Variants in DLG2 observed in about 807,000 individuals in gnomAD.
DLG2 encodes disks large homolog 2.
Under a neutral mutation model 132.5 loss-of-function variants are expected in DLG2, and 45 were observed. The observed-to-expected ratio is 0.34, with a 90% confidence interval of 0.27 to 0.44. DLG2 has a LOEUF of 0.44. Among genes scored for constraint, DLG2 ranks in the 20% least tolerant of loss-of-function variants. The pLI, the probability that DLG2 is intolerant of heterozygous loss-of-function variation, is 1.00. For missense variants in DLG2, 1,045 were observed against 1,196.9 expected (o/e 0.87, Z 1.87); for synonymous variants, 424 against 419.6 (o/e 1.01, Z -0.13).
chr11:84,502,279 C>T lies in DLG2; in HGVS notation c.519+32291G>A, dbSNP rs200307695. Among the ~76,000 whole-genome samples the T allele has an allele frequency of 1.7e-3, 35 of 20,412 alleles. 1 individual carries two copies. The highest frequency in any genetic ancestry group is 3.4e-3 in the African/African-American group (6 of 1,768). The allele number at this position is 20,412 out of a possible 152,430, so 13.4% of individuals were successfully genotyped here. Reference sequence around the variant, plus strand: ...CCTTCCTTCCTTCCTTCCTTCCTTCCTTCTTTCTTTCTTTCTTTCTTTCTT... The same window carrying T: ...CCTTCCTTCCTTCCTTCCTTCCTTCTTTCTTTCTTTCTTTCTTTCTTTCTT... On this transcript the variant is annotated intron_variant, in intron 7 of 27. Coordinates refer to ENST00000376104, the MANE Select transcript of DLG2 (RefSeq NM_001142699.3).
rs182923400 is a variant in DLG2, at chr11:85,310,367, A to G, written c.41-25002T>C. Reference sequence around the variant, plus strand: ...CATTCTGGAGCTAGCCACACTTCATAGAAATAGGTTAGCATGAGTCTGTTT... The same window carrying G: ...CATTCTGGAGCTAGCCACACTTCATGGAAATAGGTTAGCATGAGTCTGTTT... On this transcript the variant is annotated intron_variant, in intron 3 of 27. Coordinates refer to ENST00000376104, the MANE Select transcript of DLG2 (RefSeq NM_001142699.3). Among the ~76,000 whole-genome samples, 290 of 152,340 alleles carry G rather than the reference A, an allele frequency of 1.9e-3. 1 individual carries two copies. The highest frequency in any genetic ancestry group is 2.5e-3 in the Admixed American group (38 of 15,300).
At chr11:83,772,546 AAGAAAGAAAG>A (rs2094440508) in intron 18 of DLG2, among the ~76,000 whole-genome samples, 1 of 150,096 alleles carries the variant, frequency 6.7e-6, no homozygotes, top group South Asian at 2.1e-4. Context: ...GGAAGGAAAA[AAGAAAGAAAG>A]AGAAAGAAAG....
intron 8 of DLG2, among the ~76,000 whole-genome samples, chr11:84,240,949 G>A (rs1034028337): frequency 6.6e-6 from 1 of 152,108 alleles, no homozygotes; most frequent in Admixed American, 6.5e-5. Context: ...AGCAAAAAAG[G>A]CCTTCACAAT....
intron 6 of DLG2, among the ~76,000 whole-genome samples, chr11:84,787,470 CAA>C (rs1375511251): frequency 6.6e-6 from 1 of 152,122 alleles, no homozygotes. Flanking sequence ...AGCTCCACTA[CAA>C]AGTTTTTCTG....
chr11:83,576,741 G>T (rs558131922), intron 19 of DLG2, among the ~76,000 whole-genome samples: 1 of 152,156 alleles, frequency 6.6e-6, no homozygotes, highest in South Asian at 2.1e-4. Context: ...AATGCTGAAA[G>T]AATTCCTTAG....
intron 6 of DLG2, among the ~76,000 whole-genome samples, chr11:84,739,329 G>A (rs527612281): frequency 3.3e-5 from 5 of 152,130 alleles, no homozygotes; most frequent in Non-Finnish European, 7.4e-5. Context: ...TTTAATCAAA[G>A]TAACTCCCAA....
intron 15 of DLG2, among the ~76,000 whole-genome samples, chr11:83,901,792 G>A (rs899026284): frequency 1.3e-4 from 20 of 152,152 alleles, no homozygotes; most frequent in Admixed American, 1.2e-3. Context: ...ATTTGATCCA[G>A]GATCCACCAC....
intron 6 of DLG2, among the ~76,000 whole-genome samples, chr11:84,891,955 T>C (rs1166183361): frequency 6.6e-6 from 1 of 152,188 alleles, no homozygotes; most frequent in East Asian, 1.9e-4. Context: ...TCAAGTGAAT[T>C]TTAGATTTCT....
intron 7 of DLG2, among the ~76,000 whole-genome samples, chr11:84,498,041 A>C (rs1174335445): frequency 1.3e-5 from 2 of 152,332 alleles, no homozygotes; most frequent in South Asian, 2.1e-4. Flanking sequence ...AGCTTTCCAC[A>C]GATTGTTTCC....
At chr11:84,867,694 A>G (rs1041149492) in intron 6 of DLG2, among the ~76,000 whole-genome samples, 1 of 152,234 alleles carries the variant, frequency 6.6e-6, no homozygotes, top group African/African-American at 2.4e-5. Flanking sequence ...CATGGGCATC[A>G]AGGAGACTCT....
intron 3 of DLG2, among the ~76,000 whole-genome samples, chr11:85,313,653 A>G (rs1195351274): frequency 1.3e-5 from 2 of 152,094 alleles, no homozygotes; most frequent in Admixed American, 1.3e-4. Flanking sequence ...CCATTACATA[A>G]CTAATATTTA....
chr11:84,805,069 C>T (rs965228253), intron 6 of DLG2, among the ~76,000 whole-genome samples: 1 of 152,096 alleles, frequency 6.6e-6, no homozygotes, highest in Non-Finnish European at 1.5e-5. Context: ...AAAAGTATTG[C>T]ACCTTCCCAC....
chr11:85,581,283 C>T (rs2078499236), intron 3 of DLG2, among the ~76,000 whole-genome samples: 1 of 152,122 alleles, frequency 6.6e-6, no homozygotes, highest in Admixed American at 6.6e-5. Flanking sequence ...TCCGCTCATA[C>T]CTTTGTAATA....
chr11:84,917,027 A>G (rs995695842), intron 6 of DLG2, among the ~76,000 whole-genome samples: 4 of 152,102 alleles, frequency 2.6e-5, no homozygotes, highest in Non-Finnish European at 5.9e-5. Flanking sequence ...ATATCCTTCC[A>G]TGATTTTTTG....
At chr11:85,265,667 G>A (rs971674986) in intron 4 of DLG2, among the ~76,000 whole-genome samples, 4 of 152,174 alleles carry the variant, frequency 2.6e-5, no homozygotes, top group African/African-American at 7.2e-5. Context: ...TCTGATTAAT[G>A]TCTTTTTACC....
intron 2 of DLG2, among the ~76,000 whole-genome samples, chr11:85,616,312 A>G (rs1565767747): frequency 6.6e-6 from 1 of 152,196 alleles, no homozygotes; most frequent in African/African-American, 2.4e-5. Context: ...AGTAAGGGGG[A>G]AAAAAGCATT....
intron 8 of DLG2, among the ~76,000 whole-genome samples, chr11:84,205,936 A>C (rs1212577849): frequency 1.3e-5 from 2 of 152,264 alleles, no homozygotes; most frequent in Non-Finnish European, 1.5e-5. Context: ...ATAAACACCT[A>C]ATAAAACTGA....
intron 2 of DLG2, among the ~76,000 whole-genome samples, chr11:85,621,530 G>A (rs1205517068): frequency 1.3e-5 from 2 of 152,136 alleles, no homozygotes; most frequent in African/African-American, 2.4e-5. Context: ...CACAGGAGGA[G>A]GTCAAAATAT....
At position 84,445,386 on chromosome 11, in the gene DLG2, TTGAA is replaced by T. The variant is rs552675919; in HGVS notation, c.519+89180_519+89183del. Among the ~76,000 whole-genome samples the T allele has an allele frequency of 1.8e-3, 277 of 152,288 alleles. 3 individuals carry two copies. Among genetic ancestry groups the T allele is most frequent in the African/African-American group, 6.4e-3 (267 of 41,576 alleles). On this transcript the variant is annotated intron_variant, in intron 7 of 27. Transcript: ENST00000376104. Reference sequence around the variant, plus strand: ...GAACTGAATGATAGTAGACTAGACTTTGAATGAGAGTATAGAAACAGATTTGTAA... The same window carrying T: ...GAACTGAATGATAGTAGACTAGACTTTGAGAGTATAGAAACAGATTTGTAA...
Sources: allele counts gnomAD v4.1 joint callset (sites outside exome capture counted in the v4.1 genomes callset), GRCh38; gene constraint gnomAD v4.1.1; transcripts MANE v1.5; gene names NCBI Gene and HGNC (gene_info 2026-07-23, HGNC 2026-07-21).